SNX29: variants seen among roughly 807,000 people sequenced by gnomAD.
The protein encoded by SNX29 is sorting nexin-29.
In SNX29, 78 loss-of-function variants were observed where a neutral mutation model predicts 102.1. The ratio of observed to expected loss-of-function variants is 0.76; its 90% CI spans 0.64 to 0.92. The LOEUF (loss-of-function observed/expected upper bound fraction) is 0.92, where lower values mean the gene tolerates loss of function less well. Among genes scored for constraint, SNX29 ranks in the 40% least tolerant of loss-of-function variants. The probability of loss-of-function intolerance (pLI) is 0.00; values close to 1 mark genes in which losing one functional copy is unlikely to be tolerated. For missense variants in SNX29, 1,280 were observed against 1,061.7 expected (o/e 1.21, Z -2.86); for synonymous variants, 580 against 414.5 (o/e 1.40, Z -4.85).
At chr16:12,425,056 G>A (rs181238429) in intron 18 of SNX29, among the ~76,000 whole-genome samples, 92 of 152,342 alleles carry the variant, frequency 6.0e-4, no homozygotes, top group Admixed American at 1.8e-3. Context: ...CATAAACAAT[G>A]TTGAGTGAAA....
intron 19 of SNX29, among the ~76,000 whole-genome samples, chr16:12,518,796 G>A (rs2089978832): frequency 6.6e-6 from 1 of 152,178 alleles, no homozygotes; most frequent in African/African-American, 2.4e-5. Context: ...CTACCCCATC[G>A]CTGTCTTGCA....
At chr16:12,392,077 T>A (rs1033841884) in intron 16 of SNX29, among the ~76,000 whole-genome samples, 3 of 152,238 alleles carry the variant, frequency 2.0e-5, no homozygotes, top group Non-Finnish European at 2.9e-5. Context: ...TAGACACGTG[T>A]GTCTCCCAAC....
intron 11 of SNX29, among the ~76,000 whole-genome samples, chr16:12,080,881 G>A (rs1048549549): frequency 5.3e-5 from 8 of 150,296 alleles, no homozygotes; most frequent in East Asian, 2.0e-4. Context: ...ATGGGGTTTC[G>A]CCATGTTGGC....
intron 15 of SNX29, among the ~76,000 whole-genome samples, chr16:12,317,508 A>G (rs2080789028): frequency 6.6e-6 from 1 of 152,190 alleles, no homozygotes; most frequent in Non-Finnish European, 1.5e-5. Flanking sequence ...GTGCCTTTAG[A>G]GCCACAGTGG....
At chr16:12,465,050 G>C (rs1278586278) in intron 18 of SNX29, among the ~76,000 whole-genome samples, 2 of 152,062 alleles carry the variant, frequency 1.3e-5, no homozygotes, top group Non-Finnish European at 2.9e-5. Context: ...GTCTTCTTTG[G>C]AAAAATGTCT....
At chr16:12,362,473 C>T (rs1211190199) in intron 16 of SNX29, among the ~76,000 whole-genome samples, 3 of 150,914 alleles carry the variant, frequency 2.0e-5, no homozygotes, top group African/African-American at 4.9e-5. Context: ...GTTCCAACAA[C>T]GCGTTGGGCA....
In SNX29 at chr16:12,547,149, C is replaced by A. The variant is rs572833824; in HGVS notation, c.2319-21357C>A. Among the ~76,000 whole-genome samples, 142 of 152,310 alleles carry A rather than the reference C, an allele frequency of 9.3e-4. 1 individual carries two copies. The highest frequency in any genetic ancestry group is 1.4e-3 in the Non-Finnish European group (97 of 68,032). On this transcript the variant is annotated intron_variant, in intron 20 of 20. Transcript: ENST00000566228. Reference sequence around the variant, plus strand: ...CACAGTCATCACAGAGGGAAAGAAGCCTGCTGGGGATGTGCTGTTTATGGT... The same window carrying A: ...CACAGTCATCACAGAGGGAAAGAAGACTGCTGGGGATGTGCTGTTTATGGT...
chr16:12,245,514 C>T (rs527667217), intron 14 of SNX29, among the ~76,000 whole-genome samples: 57 of 151,638 alleles, frequency 3.8e-4, no homozygotes, highest in African/African-American at 1.4e-3. Context: ...GAGATGCTGA[C>T]TTCTTCTAGT....
intron 14 of SNX29, among the ~76,000 whole-genome samples, chr16:12,238,773 C>T (rs909622703): frequency 6.6e-6 from 1 of 152,194 alleles, no homozygotes; most frequent in Non-Finnish European, 1.5e-5. Flanking sequence ...AAATGAACAA[C>T]GTATCTTTCC....
chr16:12,219,531 G>T (rs2077419448), intron 14 of SNX29, among the ~76,000 whole-genome samples: 1 of 152,176 alleles, frequency 6.6e-6, no homozygotes, highest in Non-Finnish European at 1.5e-5. Context: ...TGTGAAGGCA[G>T]TTGTTGTGTA....
intron 14 of SNX29, among the ~76,000 whole-genome samples, chr16:12,269,259 T>C (rs964876861): frequency 2.0e-5 from 3 of 152,180 alleles, no homozygotes; most frequent in Non-Finnish European, 4.4e-5. Flanking sequence ...TGCGGATTTT[T>C]CCCGTGAATA....
chr16:12,230,892 G>A (rs1388173900), intron 14 of SNX29, among the ~76,000 whole-genome samples: 1 of 152,094 alleles, frequency 6.6e-6, no homozygotes, highest in African/African-American at 2.4e-5. Context: ...TGTCACCCAG[G>A]CTGGAGTGCA....
intron 11 of SNX29, among the ~76,000 whole-genome samples, chr16:12,089,126 A>AC (rs2052371297): frequency 1.1e-5 from 1 of 89,312 alleles, no homozygotes; most frequent in African/African-American, 4.7e-5. Context: ...GAGAGAGAGA[A>AC]AAGAGAGAGA....
Position 12,243,669 on chromosome 16 carries a change from T to C in SNX29, c.1679-34264T>C, listed in dbSNP as rs1426449984. Among the ~76,000 whole-genome samples the C allele has an allele frequency of 3.9e-5, 6 of 152,168 alleles. No individual in the cohort carries two copies. In the East Asian group the frequency reaches 1.2e-3, roughly 29 times the overall value. ...CATGTAATTGGGTTGAATAGTTGTA[T>C]GATTGGGCTTCAGGTCCATCCATTT... On this transcript the variant is annotated intron_variant, in intron 14 of 20. Coordinates refer to ENST00000566228, the MANE Select transcript of SNX29 (RefSeq NM_032167.5).
At chr16:12,230,850 A>ATTT (rs2077748540) in intron 14 of SNX29, among the ~76,000 whole-genome samples, 1 of 152,068 alleles carries the variant, frequency 6.6e-6, no homozygotes, top group Non-Finnish European at 1.5e-5. Flanking sequence ...GTATGTATAT[A>ATTT]TGTATGTACT....
At chr16:12,342,587 T>C (rs1256594811) in intron 15 of SNX29, among the ~76,000 whole-genome samples, 1 of 152,238 alleles carries the variant, frequency 6.6e-6, no homozygotes, top group African/African-American at 2.4e-5. Context: ...ATCAAAGCTG[T>C]AAGAATCAGA....
chr16:12,065,189 G>A (rs1225872805), intron 9 of SNX29, among the ~76,000 whole-genome samples: 1 of 152,102 alleles, frequency 6.6e-6, no homozygotes, highest in African/African-American at 2.4e-5. Context: ...TCACAGAAGG[G>A]GACAGCACCC....
chr16:12,282,268 G>A (rs750638754), intron 15 of SNX29, among the ~76,000 whole-genome samples: 4 of 152,072 alleles, frequency 2.6e-5, no homozygotes, highest in Non-Finnish European at 5.9e-5. Flanking sequence ...GGACACAAGG[G>A]GGAAAACTAG....
At chr16:12,229,196 A>G (rs565698422) in intron 14 of SNX29, among the ~76,000 whole-genome samples, 2 of 152,226 alleles carry the variant, frequency 1.3e-5, no homozygotes, top group Non-Finnish European at 2.9e-5. Context: ...CGGTTTCTCC[A>G]CTAGTCTGTA....
Sources: gnomAD v4.1 joint callset for allele counts (sites outside exome capture counted in the v4.1 genomes callset) on GRCh38, gnomAD v4.1.1 for gene constraint, MANE v1.5 for transcripts, NCBI Gene and HGNC (gene_info 2026-07-23, HGNC 2026-07-21) for gene names.